Variants in TAFA4 observed in about 807,000 individuals in gnomAD.
TAFA4 encodes the protein chemokine-like protein TAFA-4.
Under a neutral mutation model 21.1 loss-of-function variants are expected in TAFA4, and 20 were observed. That is an observed-to-expected ratio of 0.95 (90% CI 0.67 to 1.38). The LOEUF (loss-of-function observed/expected upper bound fraction) is 1.38, where lower values mean the gene tolerates loss of function less well. Among genes scored for constraint, TAFA4 ranks in the 40% most tolerant of loss-of-function variants. The pLI, the probability that TAFA4 is intolerant of heterozygous loss-of-function variation, is 0.00. For missense variants in TAFA4, 211 were observed against 180.9 expected (o/e 1.17, Z -0.95); for synonymous variants, 71 against 67.4 (o/e 1.05, Z -0.26).
At chr3:68,817,356 T>C (rs1356294944) in intron 3 of TAFA4, among the ~76,000 whole-genome samples, 1 of 152,180 alleles carries the variant, frequency 6.6e-6, no homozygotes, top group East Asian at 1.9e-4. Flanking sequence ...CTACTACATC[T>C]GCAGTTACTT....
rs1051574125 is a variant in TAFA4 at position 68,932,490 on chromosome 3, C to A, written c.-373G>T. On this transcript the variant is annotated 5_prime_UTR_variant, in exon 1 of 6. Coordinates refer to ENST00000295569, the MANE Select transcript of TAFA4 (RefSeq NM_182522.5). ...CTGAGGCAGGACTCCCGATGTTTGC[C>A]CGCAGCCGCGCGCGCAGTCGGTGCG... The A allele has an allele frequency of 4.5e-4, 68 of 152,418 alleles. No homozygotes were observed. Among genetic ancestry groups the A allele is most frequent in the African/African-American group, 1.6e-3 (66 of 41,580 alleles). 9.4% of individuals were successfully genotyped at this position (152,418 alleles called of 1,614,324 possible).
At chr3:68,927,149 G>C (rs544542156) in intron 1 of TAFA4, among the ~76,000 whole-genome samples, 1 of 152,186 alleles carries the variant, frequency 6.6e-6, no homozygotes, top group African/African-American at 2.4e-5. Flanking sequence ...TTCGTGGTCT[G>C]TAAGTTTCTT....
chr3:68,862,155 A>ACCAC (rs2089353106), intron 3 of TAFA4, among the ~76,000 whole-genome samples: 2 of 152,198 alleles, frequency 1.3e-5, no homozygotes, highest in South Asian at 4.2e-4. Context: ...TGTCTGGGCC[A>ACCAC]CCACCGACAC....
Position 68,810,863 on chromosome 3 carries a change from C to G in TAFA4, c.131-57845G>C, listed in dbSNP as rs1279947724. On this transcript the variant is annotated intron_variant, in intron 3 of 5. Transcript: ENST00000295569. Reference sequence around the variant, plus strand: ...ACACAGCTGGATATCTGAGAACGGACAGACTGCAACCTCAAGTGGGTCCCT... The same window carrying G: ...ACACAGCTGGATATCTGAGAACGGAGAGACTGCAACCTCAAGTGGGTCCCT... 2.0e-5 allele frequency among the ~76,000 whole-genome samples: 3 copies of G among 152,304 alleles called. 1 individual carries two copies. The highest frequency in any genetic ancestry group is 4.1e-4 in the South Asian group (2 of 4,834).
intron 3 of TAFA4, among the ~76,000 whole-genome samples, chr3:68,865,904 A>G (rs556713273): frequency 2.0e-3 from 300 of 152,072 alleles, no homozygotes; most frequent in Non-Finnish European, 3.6e-3. Context: ...TCTGCAATGC[A>G]CCTCCCTCAA....
At chr3:68,873,337 TACACACACACAC>T (rs34998311) in intron 3 of TAFA4, among the ~76,000 whole-genome samples, 1,778 of 133,512 alleles carry the variant, frequency 0.013, 38 homozygotes, top group African/African-American at 0.043. Flanking sequence ...CACGCAGACA[TACACACACACAC>T]ACACACACAC....
chr3:68,814,070 T>C (rs934956913), intron 3 of TAFA4, among the ~76,000 whole-genome samples: 4 of 152,128 alleles, frequency 2.6e-5, no homozygotes, highest in African/African-American at 9.7e-5. Context: ...AAAAACCACA[T>C]GATTATCTCA....
chr3:68,735,736 A>G (rs1559753053), intron 5 of TAFA4, among the ~76,000 whole-genome samples: 1 of 152,146 alleles, frequency 6.6e-6, no homozygotes, highest in Non-Finnish European at 1.5e-5. Context: ...TAGACAATAG[A>G]AACTTTGAAA....
At chr3:68,827,140 G>C (rs762193606) in intron 3 of TAFA4, among the ~76,000 whole-genome samples, 4 of 149,656 alleles carry the variant, frequency 2.7e-5, no homozygotes, top group Non-Finnish European at 4.4e-5. Context: ...GTAGTGTTTG[G>C]TTTTCTGTCC....
At chr3:68,778,652 C>T (rs935491761) in intron 3 of TAFA4, among the ~76,000 whole-genome samples, 2 of 152,234 alleles carry the variant, frequency 1.3e-5, no homozygotes, top group African/African-American at 4.8e-5. Flanking sequence ...CTCATTCTCT[C>T]TTTGCCTGCT....
In TAFA4 at chr3:68,929,772, A is replaced by C. The variant is rs550246463; in HGVS notation, c.-123+2468T>G. 7.0e-4 allele frequency among the ~76,000 whole-genome samples: 106 copies of C among 152,368 alleles called. 2 individuals are homozygous for C. In the South Asian group the frequency reaches 8.7e-3, roughly 13 times the overall value. ...ATGTTATTATTAAGCTAAGCCTCTT[A>C]GTATAGAAATACCCAAAACTCTCAA... On this transcript the variant is annotated intron_variant, in intron 1 of 5. Coordinates refer to ENST00000295569, the MANE Select transcript of TAFA4 (RefSeq NM_182522.5).
chr3:68,799,493 C>T (rs956558067), intron 3 of TAFA4, among the ~76,000 whole-genome samples: 3 of 152,100 alleles, frequency 2.0e-5, no homozygotes, highest in Non-Finnish European at 4.4e-5. Context: ...TTGAGGGATC[C>T]ACAAACATTC....
At chr3:68,908,414 G>A (rs114488701) in intron 1 of TAFA4, among the ~76,000 whole-genome samples, 66 of 151,866 alleles carry the variant, frequency 4.3e-4, no homozygotes, top group African/African-American at 1.4e-3. Flanking sequence ...TCCTATTCAC[G>A]TTCTTATCAA....
intron 4 of TAFA4, 97 bp downstream of exon 4, chr3:68,752,766 T>C (rs1285370052): frequency 4.1e-6 from 6 of 1,474,398 alleles, no homozygotes; most frequent in Non-Finnish European, 5.7e-6. Flanking sequence ...AAAGCAACCC[T>C]AGGTTTCTTT....
intron 1 of TAFA4, among the ~76,000 whole-genome samples, chr3:68,895,042 G>C (rs969770591): frequency 6.6e-6 from 1 of 151,812 alleles, no homozygotes; most frequent in Non-Finnish European, 1.5e-5. Context: ...CTTTTAGATG[G>C]AGTCTCACTC....
chr3:68,744,833 G>C (rs11929233), intron 4 of TAFA4, among the ~76,000 whole-genome samples: 2 of 152,242 alleles, frequency 1.3e-5, no homozygotes, highest in African/African-American at 4.8e-5. Context: ...CAGGTTTTTC[G>C]TTTAATTGGA....
chr3:68,912,805 A>G (rs2089972597), intron 1 of TAFA4, among the ~76,000 whole-genome samples: 1 of 152,134 alleles, frequency 6.6e-6, no homozygotes, highest in Non-Finnish European at 1.5e-5. Context: ...TCAGAAAACC[A>G]CTGGAGAGCA....
At chr3:68,748,743 CAAAAA>C (rs780362480) in intron 4 of TAFA4, among the ~76,000 whole-genome samples, 1 of 60,018 alleles carries the variant, frequency 1.7e-5, no homozygotes, top group Non-Finnish European at 3.6e-5. Flanking sequence ...GACTCCGTCT[CAAAAA>C]AAAAAAAAAA....
chr3:68,747,558 G>C (rs564504400), intron 4 of TAFA4, among the ~76,000 whole-genome samples: 1 of 152,276 alleles, frequency 6.6e-6, no homozygotes, highest in East Asian at 1.9e-4. Flanking sequence ...ACGTGGAACT[G>C]TGAGTCCATT....
Sources: allele counts gnomAD v4.1 joint callset (sites outside exome capture counted in the v4.1 genomes callset), GRCh38; gene constraint gnomAD v4.1.1; transcripts MANE v1.5; gene names NCBI Gene and HGNC (gene_info 2026-07-23, HGNC 2026-07-21).